Variants in FBXL17 observed in about 807,000 individuals in gnomAD.
FBXL17 encodes F-box and leucine rich repeat protein 17.
In FBXL17, 22 loss-of-function variants were observed where a neutral mutation model predicts 66.2. The observed-to-expected ratio is 0.33, with a 90% CI of 0.24 to 0.47. FBXL17 has a LOEUF of 0.47. FBXL17 is among the 20% of genes least tolerant of loss of function. The probability of loss-of-function intolerance (pLI) is 1.00; values close to 1 mark genes in which losing one functional copy is unlikely to be tolerated. For synonymous variants in FBXL17, 474 were observed against 400.5 expected (o/e 1.18, Z -2.19); for missense variants, 878 against 948.2 (o/e 0.93, Z 0.97).
At chr5:107,958,730 T>C (rs921530077) in intron 7 of FBXL17, among the ~76,000 whole-genome samples, 18 of 152,192 alleles carry the variant, frequency 1.2e-4, no homozygotes, top group Admixed American at 1.0e-3. Flanking sequence ...TCCCAGATAA[T>C]GTGGCTGCCA....
At chr5:108,050,508 G>A (rs1267402965) in intron 6 of FBXL17, among the ~76,000 whole-genome samples, 1 of 152,058 alleles carries the variant, frequency 6.6e-6, no homozygotes, top group Non-Finnish European at 1.5e-5. Context: ...TAAGTTCTTT[G>A]AAACCAATGA....
chr5:108,236,621 G>A (rs908197809), intron 4 of FBXL17, among the ~76,000 whole-genome samples: 1 of 152,020 alleles, frequency 6.6e-6, no homozygotes, highest in Non-Finnish European at 1.5e-5. Flanking sequence ...GAATTACCAG[G>A]GGTGAACAAC....
Position 108,029,509 on chromosome 5 carries a change from A to C in FBXL17, c.1746-8508T>G, listed in dbSNP as rs557009139. Among the ~76,000 whole-genome samples the C allele has an allele frequency of 3.9e-5, 6 of 152,236 alleles. No homozygotes were observed. The South Asian group carries it at 1.2e-3, about 32-fold the overall frequency. ...ACTCTTATTTTTCCCATATAATTGCACATTAATGTTCACATCAGAGGCAAA... is the reference window on the plus strand; with the variant it reads ...ACTCTTATTTTTCCCATATAATTGCCCATTAATGTTCACATCAGAGGCAAA... On this transcript the variant is annotated intron_variant, in intron 6 of 8. Transcript: ENST00000542267.
At chr5:107,882,021 C>A (rs893538830) in intron 7 of FBXL17, among the ~76,000 whole-genome samples, 1 of 152,120 alleles carries the variant, frequency 6.6e-6, no homozygotes, top group African/African-American at 2.4e-5. Flanking sequence ...TCTTTTCTAC[C>A]GACTTTGATA....
At chr5:107,862,960 G>T (rs1026996004) in intron 8 of FBXL17, among the ~76,000 whole-genome samples, 1 of 151,368 alleles carries the variant, frequency 6.6e-6, no homozygotes, top group African/African-American at 2.4e-5. Context: ...TTACATTATT[G>T]AGAGTTGATA....
Position 108,340,996 on chromosome 5 carries a change from T to C in FBXL17, c.1506+7403A>G, listed in dbSNP as rs536840948. ...ACATATCTTAGTACCATATTGTATATACTTCTCATATATGCCGTAGAGAAC... is the reference window on the plus strand; with the variant it reads ...ACATATCTTAGTACCATATTGTATACACTTCTCATATATGCCGTAGAGAAC... On this transcript the variant is annotated intron_variant, in intron 4 of 8. Transcript: ENST00000542267. Among the ~76,000 whole-genome samples the C allele has an allele frequency of 9.8e-5, 15 of 152,292 alleles. No individual in the cohort carries two copies. The East Asian group carries it at 1.2e-3, about 12-fold the overall frequency.
intron 7 of FBXL17, among the ~76,000 whole-genome samples, chr5:107,910,431 T>C (rs1749911776): frequency 6.6e-6 from 1 of 152,034 alleles, no homozygotes; most frequent in African/African-American, 2.4e-5. Context: ...CACTAAAAAG[T>C]ATCCATCTGA....
At chr5:107,917,052 A>G (rs1396503220) in intron 7 of FBXL17, among the ~76,000 whole-genome samples, 1 of 152,204 alleles carries the variant, frequency 6.6e-6, no homozygotes, top group Non-Finnish European at 1.5e-5. Context: ...TTTCAAAGAA[A>G]CTAGTAAAAG....
intron 7 of FBXL17, among the ~76,000 whole-genome samples, chr5:107,963,857 A>G (rs999302101): frequency 6.6e-6 from 1 of 152,170 alleles, no homozygotes; most frequent in African/African-American, 2.4e-5. Context: ...AGGCTTTATA[A>G]AACAGAAACT....
intron 7 of FBXL17, among the ~76,000 whole-genome samples, chr5:107,927,106 T>C (rs573937953): frequency 6.6e-6 from 1 of 152,228 alleles, no homozygotes; most frequent in South Asian, 2.1e-4. Flanking sequence ...TAAAGTCCTA[T>C]GACTTTTAAT....
chr5:108,288,265 A>C (rs1490614545), intron 4 of FBXL17, among the ~76,000 whole-genome samples: 1 of 151,994 alleles, frequency 6.6e-6, no homozygotes, highest in Non-Finnish European at 1.5e-5. Flanking sequence ...AGCCTAAAAT[A>C]AAAGTTCAAC....
intron 7 of FBXL17, among the ~76,000 whole-genome samples, chr5:107,974,644 G>A (rs1752511650): frequency 6.6e-6 from 1 of 152,016 alleles, no homozygotes; most frequent in Non-Finnish European, 1.5e-5. Flanking sequence ...AAATTCAACT[G>A]CCATATAGTC....
In FBXL17 at chr5:108,211,984, C is replaced by G. The variant is rs541055752; in HGVS notation, c.1614+12137G>C. 5.9e-4 allele frequency among the ~76,000 whole-genome samples: 90 copies of G among 152,276 alleles called. 1 individual carries two copies. The highest frequency in any genetic ancestry group is 6.8e-3 in the Middle Eastern group (2 of 294). ...TACATCAATCAAACATAGATTTGGT[C>G]TTTTCACACAGTCCCATATTTCTTG... On this transcript the variant is annotated intron_variant, in intron 5 of 8. Transcript: ENST00000542267.
At chr5:108,297,804 C>T (rs1045895489) in intron 4 of FBXL17, 62 of 764,348 alleles carry the variant, frequency 8.1e-5, no homozygotes, top group Non-Finnish European at 9.5e-5. Context: ...CAACTTAACT[C>T]ATGCTTTAGA....
chr5:108,093,119 C>A (rs1413308019), intron 6 of FBXL17, among the ~76,000 whole-genome samples: 1 of 152,060 alleles, frequency 6.6e-6, no homozygotes, highest in African/African-American at 2.4e-5. Context: ...ATCATGCATA[C>A]TTCCAAGCAC....
At chr5:108,313,074 T>A (rs1168802433) in intron 4 of FBXL17, among the ~76,000 whole-genome samples, 1 of 152,158 alleles carries the variant, frequency 6.6e-6, no homozygotes, top group Non-Finnish European at 1.5e-5. Context: ...CAGCTTTTAT[T>A]TCTCCTTCTA....
intron 6 of FBXL17, among the ~76,000 whole-genome samples, chr5:108,098,018 A>G (rs1749447452): frequency 6.6e-6 from 1 of 152,152 alleles, no homozygotes; most frequent in Non-Finnish European, 1.5e-5. Context: ...ATTATTCACT[A>G]CTAGATCTCC....
chr5:108,167,602 C>T (rs1752459874), intron 6 of FBXL17, among the ~76,000 whole-genome samples: 1 of 152,176 alleles, frequency 6.6e-6, no homozygotes, highest in African/African-American at 2.4e-5. Context: ...TGCTCTGAGT[C>T]TAACTGACCT....
At chr5:108,246,572 G>A (rs1377084232) in intron 4 of FBXL17, among the ~76,000 whole-genome samples, 1 of 152,178 alleles carries the variant, frequency 6.6e-6, no homozygotes, top group African/African-American at 2.4e-5. Context: ...TGCATCCAGA[G>A]TCAAAAGGAC....
Sources: allele counts gnomAD v4.1 joint callset (sites outside exome capture counted in the v4.1 genomes callset), GRCh38; gene constraint gnomAD v4.1.1; transcripts MANE v1.5; gene names NCBI Gene and HGNC (gene_info 2026-07-23, HGNC 2026-07-21).